CASZ1: variants seen among roughly 807,000 people sequenced by gnomAD.
CASZ1 encodes castor zinc finger 1.
A neutral mutation model predicts 135.2 loss-of-function variants in CASZ1; 28 were observed. That is an observed-to-expected ratio of 0.21 (90% CI 0.15 to 0.28). The LOEUF is 0.28. Among genes scored for constraint, CASZ1 ranks in the 10% least tolerant of loss-of-function variants. The pLI, the probability that CASZ1 is intolerant of heterozygous loss-of-function variation, is 1.00. For synonymous variants in CASZ1, 1,068 were observed against 1,073.4 expected (o/e 0.99, Z 0.10); for missense variants, 2,161 against 2,453.3 (o/e 0.88, Z 2.52).
At chr1:10,675,148 C>T (rs1279336934) in intron 4 of CASZ1, among the ~76,000 whole-genome samples, 1 of 152,242 alleles carries the variant, frequency 6.6e-6, no homozygotes, top group Admixed American at 6.5e-5. Flanking sequence ...ACGGCAGGTC[C>T]CCCCTCCTGA....
intron 2 of CASZ1, among the ~76,000 whole-genome samples, chr1:10,754,821 C>CACAA (rs1289155062): frequency 6.6e-6 from 1 of 152,216 alleles, no homozygotes; most frequent in Non-Finnish European, 1.5e-5. Flanking sequence ...AATATTGAGT[C>CACAA]ACAACGGCCC....
At chr1:10,770,360 C>G (rs1229674654) in intron 1 of CASZ1, among the ~76,000 whole-genome samples, 2 of 152,188 alleles carry the variant, frequency 1.3e-5, no homozygotes, top group African/African-American at 4.8e-5. Context: ...GCTGGGAGTA[C>G]AGGTGTGAGC....
rs528387223 is a variant in CASZ1 at position 10,706,671 on chromosome 1, G to A, written c.-76-1127C>T. 4.5e-4 allele frequency among the ~76,000 whole-genome samples: 69 copies of A among 152,274 alleles called. 1 individual carries two copies. Among genetic ancestry groups the A allele is most frequent in the Non-Finnish European group, 7.6e-4 (52 of 68,014 alleles). On this transcript the variant is annotated intron_variant, in intron 2 of 20. Coordinates refer to ENST00000377022, the MANE Select transcript of CASZ1 (RefSeq NM_001079843.3). The surrounding 1 kb of genome is among the most constrained non-coding windows in gnomAD (Gnocchi z 4.3). ...TGACACGTCCTCTTAAGGAGGGCTC[G>A]GCTCTCCACCAGCTTTCGCCGCTTG...
rs1029596222 is a variant in CASZ1, at chr1:10,679,111, G to A, written c.17-13540C>T. Among the ~76,000 whole-genome samples the A allele has an allele frequency of 4.6e-5, 7 of 152,220 alleles. No individual in the cohort carries two copies. The highest frequency in any genetic ancestry group is 8.8e-5 in the Non-Finnish European group (6 of 68,042). Reference sequence around the variant, plus strand: ...GGCCATGAAGAGCTGAGGTTCAGGAGGGGTACCCGCTGCCCCGACTTCCCA... The same window carrying A: ...GGCCATGAAGAGCTGAGGTTCAGGAAGGGTACCCGCTGCCCCGACTTCCCA... On this transcript the variant is annotated intron_variant, in intron 4 of 20. Transcript: ENST00000377022. The surrounding 1 kb of genome is among the most constrained non-coding windows in gnomAD (Gnocchi z 4.7).
intron 4 of CASZ1, among the ~76,000 whole-genome samples, chr1:10,680,281 G>GC (rs568567605): frequency 0.37 from 53,648 of 145,242 alleles, 11,425 homozygotes; most frequent in Non-Finnish European, 0.46. Context: ...GGGGCGGCGG[G>GC]GGATGGTGGA....
chr1:10,667,776 C>T (rs1187401462), intron 4 of CASZ1, among the ~76,000 whole-genome samples: 1 of 152,148 alleles, frequency 6.6e-6, no homozygotes, highest in Non-Finnish European at 1.5e-5. Flanking sequence ...CCCAGGGCCG[C>T]ACTTGCTGCT....
chr1:10,689,029 G>A (rs761683150), intron 4 of CASZ1, among the ~76,000 whole-genome samples: 1 of 152,220 alleles, frequency 6.6e-6, no homozygotes, highest in Non-Finnish European at 1.5e-5. Context: ...AGCGGCCAGG[G>A]TGGTCAGGGT....
chr1:10,785,050 T>TTGCTTG (rs1553143528), intron 1 of CASZ1, among the ~76,000 whole-genome samples: 1 of 145,220 alleles, frequency 6.9e-6, no homozygotes, highest in African/African-American at 2.6e-5. Context: ...TTGCTTGCTT[T>TTGCTTG]CTTTCTGTCT....
chr1:10,792,422 C>T (rs1256661027), intron 1 of CASZ1, among the ~76,000 whole-genome samples: 1 of 133,254 alleles, frequency 7.5e-6, no homozygotes, highest in Non-Finnish European at 1.5e-5. Context: ...GCAGTATATT[C>T]AGAAAGCACC....
chr1:10,746,747 G>A (rs1640048919), intron 2 of CASZ1, among the ~76,000 whole-genome samples: 1 of 152,232 alleles, frequency 6.6e-6, no homozygotes, highest in Non-Finnish European at 1.5e-5. Flanking sequence ...CAGAGCGGAG[G>A]GTGAGCTTTT....
At position 10,788,719 on chromosome 1, in the gene CASZ1, C is replaced by A. The variant is rs117289058; in HGVS notation, c.-234+7845G>T. On this transcript the variant is annotated intron_variant, in intron 1 of 20. Transcript: ENST00000377022. This position sits in a 1 kb window ranked among gnomAD's most constrained non-coding sequence, Gnocchi z 4.1. ...CCGCTGCCTCCTCACCCGGGAGCTG[C>A]CCCGGCCTCATCCTTGCTTTGCCTG... 1.7e-3 allele frequency among the ~76,000 whole-genome samples: 257 copies of A among 152,306 alleles called. 10 individuals carry two copies. In the East Asian group the frequency reaches 0.045, roughly 27 times the overall value.
chr1:10,675,278 G>A (rs1481113384), intron 4 of CASZ1, among the ~76,000 whole-genome samples: 1 of 152,214 alleles, frequency 6.6e-6, no homozygotes, highest in Non-Finnish European at 1.5e-5. Flanking sequence ...AGTGCCCTGC[G>A]CTGGCAGCAA....
In CASZ1 at chr1:10,649,192, C is replaced by T; in HGVS notation, c.3036G>A (p.Arg1012=). 1 of 1,613,558 alleles carries T rather than the reference C, an allele frequency of 6.2e-7. No homozygotes were observed. Among genetic ancestry groups the T allele is most frequent in the Non-Finnish European group, 8.5e-7 (1 of 1,179,938 alleles). ...CGTCACAGAAGTCCTTTGTACCAAACCTAGCCAGAGGAGCTGGCGTTAGAG... is the reference window on the plus strand; with the variant it reads ...CGTCACAGAAGTCCTTTGTACCAAATCTAGCCAGAGGAGCTGGCGTTAGAG... The part of the protein sequence containing the change: ...LAEPWKVYLR[R]FGTKDFCDGQ... The change falls in exon 15 of 21, where the codon AGG becomes AGA. Residue 1012 remains arginine (R), a splice_region_variant and synonymous_variant. Coordinates refer to ENST00000377022, the MANE Select transcript of CASZ1 (RefSeq NM_001079843.3).
At chr1:10,672,590 G>A (rs917746375) in intron 4 of CASZ1, among the ~76,000 whole-genome samples, 1 of 151,544 alleles carries the variant, frequency 6.6e-6, no homozygotes. Flanking sequence ...CTCATCTCTC[G>A]GATTATTTGA....
Position 10,757,136 on chromosome 1 carries a change from C to T in CASZ1, c.-77+3565G>A, listed in dbSNP as rs1235529370. 6.6e-6 allele frequency among the ~76,000 whole-genome samples: 1 copy of T among 152,140 alleles called. No homozygotes were observed. The highest frequency in any genetic ancestry group is 2.4e-5 in the African/African-American group (1 of 41,408). On this transcript the variant is annotated intron_variant, in intron 2 of 20. Coordinates refer to ENST00000377022, the MANE Select transcript of CASZ1 (RefSeq NM_001079843.3). This position sits in a 1 kb window ranked among gnomAD's most constrained non-coding sequence, Gnocchi z 4.6. ...CACTCAAACGAGCCTTTCTCAGCAC[C>T]CAGCATGGTTCCAAGATGGCACTTC...
In CASZ1 at chr1:10,647,841, T is replaced by C. The variant is rs764210352; in HGVS notation, c.3457A>G (p.Lys1153Glu). 1 of 1,613,806 alleles carries C rather than the reference T, an allele frequency of 6.2e-7. No homozygotes were observed. The highest frequency in any genetic ancestry group is 2.2e-5 in the East Asian group (1 of 44,874). ...PLATTSLENA[K>E]PQVKPGFLQF... Reference sequence around the variant, plus strand: ...AGGAATCCGGGTTTGACCTGGGGCTTGGCGTTCTCTAGAGAAGTCGTTGCC... The same window carrying C: ...AGGAATCCGGGTTTGACCTGGGGCTCGGCGTTCTCTAGAGAAGTCGTTGCC... The change falls in exon 16 of 21, where the codon AAG becomes GAG. Residue 1153 changes from lysine (K) to glutamate (E), a missense_variant. This residue lies in a region of CASZ1 where 349 missense variants were observed against 460.8 expected (regional missense o/e 0.76). Transcript: ENST00000377022. This position sits in a 1 kb window ranked among gnomAD's most constrained non-coding sequence, Gnocchi z 4.9.
intron 1 of CASZ1, among the ~76,000 whole-genome samples, chr1:10,775,214 A>G (rs1038376147): frequency 1.3e-5 from 2 of 152,196 alleles, no homozygotes; most frequent in African/African-American, 2.4e-5. Context: ...ATAATTTTTC[A>G]GAGATAAACA....
Position 10,646,146 on chromosome 1 carries a change from C to T in CASZ1, c.3678G>A (p.Gln1226=), listed in dbSNP as rs764005822. 45 of 1,614,016 alleles carry T rather than the reference C, an allele frequency of 2.8e-5. No individual in the cohort carries two copies. The South Asian group carries it at 4.6e-4, about 17-fold the overall frequency. Residue 1226 remains glutamine (Q), a synonymous_variant, in exon 17 of 21, where the codon CAG becomes CAA. Transcript: ENST00000377022. The surrounding 1 kb of genome is among the most constrained non-coding windows in gnomAD (Gnocchi z 6.4). ...TGCTGACCTGGTTGGGACAGAGACA[C>T]TGCAGAGAGTAGTATGCAAACTGGT... ...VRDQFAYYSL[Q]CLCPNQHCEF...
In CASZ1 at chr1:10,756,581, G is replaced by T. The variant is rs1371602159; in HGVS notation, c.-77+4120C>A. On this transcript the variant is annotated intron_variant, in intron 2 of 20. Coordinates refer to ENST00000377022, the MANE Select transcript of CASZ1 (RefSeq NM_001079843.3). This position sits in a 1 kb window ranked among gnomAD's most constrained non-coding sequence, Gnocchi z 5.9. ...GGATCACTGCTATCACAGCATCGAT[G>T]CTGGGACTGCCTGCCCCAACCTGGC... is the stretch of plus-strand genomic sequence containing the variant. Among the ~76,000 whole-genome samples the T allele has an allele frequency of 1.3e-5, 2 of 152,236 alleles. No individual in the cohort carries two copies. The highest frequency in any genetic ancestry group is 4.8e-5 in the African/African-American group (2 of 41,468).
Sources: gnomAD v4.1 joint callset for allele counts (sites outside exome capture counted in the v4.1 genomes callset) on GRCh38, gnomAD v4.1.1 for gene constraint, gnomAD v4.1.1 regional missense constraint, Gnocchi (gnomAD v3.1) non-coding constraint, MANE v1.5 for transcripts, NCBI Gene and HGNC (gene_info 2026-07-23, HGNC 2026-07-21) for gene names.